Variants in IRAK1BP1 observed in about 807,000 individuals in gnomAD.
The protein encoded by IRAK1BP1 is interleukin 1 receptor associated kinase 1 binding protein 1, also known as interleukin-1 receptor-associated kinase 1-binding protein 1.
IRAK1BP1 carries 24 observed loss-of-function variants against 28.0 expected under a neutral mutation model. That is an observed-to-expected ratio of 0.86 (90% CI 0.62 to 1.20). The LOEUF (loss-of-function observed/expected upper bound fraction) is 1.20, where lower values mean the gene tolerates loss of function less well. Among genes scored for constraint, IRAK1BP1 ranks in the 50% most tolerant of loss-of-function variants. The pLI is 0.00. For synonymous variants in IRAK1BP1, 131 were observed against 116.3 expected (o/e 1.13, Z -0.81); for missense variants, 336 against 316.7 (o/e 1.06, Z -0.46).
chr6:78,872,127 A>G (rs1770815156), intron 1 of IRAK1BP1: 1 of 701,834 alleles, frequency 1.4e-6, no homozygotes, highest in East Asian at 2.7e-5. Context: ...GGGGTCGGAT[A>G]ATTCTGAGGT....
At chr6:78,945,195 T>A in intron 4 of IRAK1BP1, 1 of 838,160 alleles carries the variant, frequency 1.2e-6, no homozygotes, top group South Asian at 1.6e-5. Flanking sequence ...GATGTGTGAC[T>A]TTTAAGTGGG....
intron 1 of IRAK1BP1, among the ~76,000 whole-genome samples, chr6:78,880,193 C>A (rs1242137489): frequency 1.3e-5 from 2 of 152,130 alleles, no homozygotes; most frequent in African/African-American, 4.8e-5. Flanking sequence ...GGTTGAGTAT[C>A]CCTTATCTGA....
At chr6:78,874,991 G>A (rs1032443794) in intron 1 of IRAK1BP1, among the ~76,000 whole-genome samples, 2 of 152,106 alleles carry the variant, frequency 1.3e-5, no homozygotes, top group African/African-American at 2.4e-5. Flanking sequence ...TGCAAACTAT[G>A]CATCTGACAA....
At chr6:78,929,739 T>C (rs999440136) in intron 4 of IRAK1BP1, among the ~76,000 whole-genome samples, 1 of 152,178 alleles carries the variant, frequency 6.6e-6, no homozygotes, top group Non-Finnish European at 1.5e-5. Context: ...TGGAATATAA[T>C]ATAAGCATAC....
At chr6:78,893,308 G>GTA (rs1247307680) in intron 2 of IRAK1BP1, among the ~76,000 whole-genome samples, 6 of 87,782 alleles carry the variant, frequency 6.8e-5, no homozygotes, top group South Asian at 4.7e-4. Context: ...GTGTGTGTGT[G>GTA]TGTGTGTATA....
At chr6:78,894,373 G>C (rs1346869018) in intron 2 of IRAK1BP1, among the ~76,000 whole-genome samples, 1 of 152,146 alleles carries the variant, frequency 6.6e-6, no homozygotes, top group African/African-American at 2.4e-5. Context: ...TTGGTTAAAA[G>C]TAATGGGATG....
chr6:78,954,907 T>C, the IRAK1BP1 span: 2 of 1,587,040 alleles, frequency 1.3e-6, no homozygotes, highest in Non-Finnish European at 1.7e-6. Context: ...GTTTCTTCCA[T>C]GCTTGAATAT....
intron 1 of IRAK1BP1, among the ~76,000 whole-genome samples, chr6:78,869,385 T>C (rs982057757): frequency 1.3e-5 from 2 of 152,160 alleles, no homozygotes; most frequent in Admixed American, 6.5e-5. Context: ...GTGGGCATGG[T>C]GGCACAGTCC....
At chr6:78,928,033 T>C (rs1772938841) in intron 4 of IRAK1BP1, among the ~76,000 whole-genome samples, 1 of 152,120 alleles carries the variant, frequency 6.6e-6, no homozygotes, top group Non-Finnish European at 1.5e-5. Context: ...TTTTCTGATG[T>C]TATATAAATG....
chr6:78,875,448 C>T (rs1770963092), intron 1 of IRAK1BP1, among the ~76,000 whole-genome samples: 1 of 152,110 alleles, frequency 6.6e-6, no homozygotes, highest in African/African-American at 2.4e-5. Context: ...TATTGCAGCA[C>T]TATTCACAAT....
chr6:78,976,134 G>C, the IRAK1BP1 span, among the ~76,000 whole-genome samples: 1 of 149,910 alleles, frequency 6.7e-6, no homozygotes, highest in Non-Finnish European at 1.5e-5. Flanking sequence ...ATACTACAAG[G>C]CTACAGTAAC....
chr6:78,955,552 A>G, the IRAK1BP1 span: 2 of 634,688 alleles, frequency 3.2e-6, no homozygotes, highest in African/African-American at 3.8e-5. Context: ...GAAAACTACA[A>G]TATGTAAATT....
downstream of IRAK1BP1, among the ~76,000 whole-genome samples, chr6:78,949,010 T>A (rs1048089989): frequency 2.6e-5 from 4 of 152,234 alleles, no homozygotes; most frequent in African/African-American, 9.6e-5. Context: ...GGCTAGAATT[T>A]CCAGTACTAC....
chr6:78,905,081 A>G (rs1377635603), downstream of IRAK1BP1, among the ~76,000 whole-genome samples: 1 of 152,224 alleles, frequency 6.6e-6, no homozygotes, highest in African/African-American at 2.4e-5. Context: ...AATGTTGAGA[A>G]TTTACAGTAT....
intron 1 of IRAK1BP1, among the ~76,000 whole-genome samples, chr6:78,870,957 A>G (rs1015694694): frequency 6.6e-6 from 1 of 151,142 alleles, no homozygotes; most frequent in African/African-American, 2.4e-5. Flanking sequence ...CCCCACCTCA[A>G]CCTCCCAAAA....
chr6:78,868,128 C>A (rs1483957680), intron 1 of IRAK1BP1, among the ~76,000 whole-genome samples: 3 of 152,154 alleles, frequency 2.0e-5, no homozygotes, highest in Non-Finnish European at 4.4e-5. Flanking sequence ...TAAAAGAATG[C>A]AAATTGGGTA....
chr6:78,945,421 G>A (rs556842979), exon 5 of IRAK1BP1: 1 of 1,610,978 alleles, frequency 6.2e-7, no homozygotes, highest in South Asian at 1.1e-5. Context: ...TATTCCTAGT[G>A]CCATGACTAA....
chr6:78,947,052 T>C (rs1416072807), downstream of IRAK1BP1, among the ~76,000 whole-genome samples: 3 of 152,338 alleles, frequency 2.0e-5, no homozygotes, highest in East Asian at 1.9e-4. Context: ...TTAACAATTA[T>C]GTATTTTTGT....
At chr6:78,871,756 G>T (rs530164588) in intron 1 of IRAK1BP1, 4 of 226,140 alleles carry the variant, frequency 1.8e-5, no homozygotes, top group South Asian at 1.4e-4. Flanking sequence ...TTAACTTTAG[G>T]GTCCATGCTC....
Sources: gnomAD v4.1 joint callset for allele counts (sites outside exome capture counted in the v4.1 genomes callset) on GRCh38, gnomAD v4.1.1 for gene constraint, MANE v1.5 for transcripts, NCBI Gene and HGNC (gene_info 2026-07-23, HGNC 2026-07-21) for gene names.